TAF13: variants seen among roughly 807,000 people sequenced by gnomAD.
The protein encoded by TAF13 is TATA-box binding protein associated factor 13.
TAF13 carries 9 observed loss-of-function variants against 18.7 expected under a neutral mutation model. The observed-to-expected ratio is 0.48, with a 90% CI of 0.29 to 0.84. The LOEUF is 0.84. Among genes scored for constraint, TAF13 ranks in the 40% least tolerant of loss-of-function variants. The probability of loss-of-function intolerance (pLI) is 0.08; values close to 1 mark genes in which losing one functional copy is unlikely to be tolerated. For synonymous variants in TAF13, 49 were observed against 44.1 expected (o/e 1.11, Z -0.44); for missense variants, 105 against 146.5 (o/e 0.72, Z 1.46).
chr1:109,065,020 C>T (rs1416000864), intron 3 of TAF13, among the ~76,000 whole-genome samples: 2 of 152,002 alleles, frequency 1.3e-5, no homozygotes, highest in African/African-American at 4.8e-5. Flanking sequence ...TGTGTACCCA[C>T]CCATTTCATT....
intron 2 of TAF13, among the ~76,000 whole-genome samples, chr1:109,070,153 C>G (rs933071644): frequency 1.3e-5 from 2 of 152,154 alleles, no homozygotes; most frequent in African/African-American, 4.8e-5. Context: ...GTTGTCATGC[C>G]TCCTTAGTTC....
At chr1:109,070,061 C>T (rs1428360083) in intron 2 of TAF13, among the ~76,000 whole-genome samples, 2 of 152,170 alleles carry the variant, frequency 1.3e-5, no homozygotes, top group African/African-American at 4.8e-5. Context: ...AAATTAACAT[C>T]GGTACAGGTA....
chr1:109,074,986 C>T lies in TAF13; in HGVS notation c.106+1G>A. The T allele has an allele frequency of 5.7e-6, 9 of 1,592,690 alleles. No homozygotes were observed. The highest frequency in any genetic ancestry group is 7.7e-6 in the Non-Finnish European group (9 of 1,173,890). On this transcript the variant is annotated splice_donor_variant, in intron 2 of 3. Transcript: ENST00000338366. LOFTEE classifies it high-confidence loss of function. ...CAAAATCATTGTCAAATACTACTTACATTCTTTAGAAAAAAGTCTCTTTCT... is the reference window on the plus strand; with the variant it reads ...CAAAATCATTGTCAAATACTACTTATATTCTTTAGAAAAAAGTCTCTTTCT...
rs1451260645 is a variant in TAF13, at chr1:109,064,616, T to G, written c.282A>C (p.Pro94=). 1.9e-6 allele frequency: 3 copies of G among 1,584,456 alleles called. No homozygotes were observed. The East Asian group carries it at 7.0e-5, about 37-fold the overall frequency. Residue 94 remains proline (P), a synonymous_variant, in exon 4 of 4, where the codon CCA becomes CCC. Transcript: ENST00000338366. Reference sequence around the variant, plus strand: ...AGTCTTTAACCCTGGCAAACTTCCTTGGGTCCTTTCGAATCAAGAAGACGA... The same window carrying G: ...AGTCTTTAACCCTGGCAAACTTCCTGGGGTCCTTTCGAATCAAGAAGACGA... The part of the protein sequence containing the change: ...EDIVFLIRKD[P]RKFARVKDLL...
At chr1:109,075,169 C>T (rs1388149893) in intron 1 of TAF13, 104 bp from the exon 2 acceptor site, 3 of 899,894 alleles carry the variant, frequency 3.3e-6, no homozygotes, top group African/African-American at 3.4e-5. Context: ...GCCAGAAAGC[C>T]AAAGGAAGCA....
At chr1:109,071,975 TACACAC>T (rs770208918) in intron 2 of TAF13, among the ~76,000 whole-genome samples, 7,200 of 19,188 alleles carry the variant, frequency 0.38, 1,105 homozygotes, top group Middle Eastern at 0.6. Context: ...TATATATATA[TACACAC>T]ATATATATAT....
At chr1:109,069,194 AGTGTGTGAGT>A (rs1664007284) in intron 2 of TAF13, among the ~76,000 whole-genome samples, 1 of 95,400 alleles carries the variant, frequency 1.0e-5, no homozygotes, top group African/African-American at 3.4e-5. Context: ...AGTGATTACA[AGTGTGTGAGT>A]GTGTGTGTGT....
At chr1:109,065,691 G>A (rs1663940678) in intron 3 of TAF13, among the ~76,000 whole-genome samples, 2 of 152,168 alleles carry the variant, frequency 1.3e-5, no homozygotes, top group Admixed American at 1.3e-4. Flanking sequence ...GGGAGGCCGA[G>A]GCTGGCGGAT....
chr1:109,071,014 A>C (rs1245192524), intron 2 of TAF13, among the ~76,000 whole-genome samples: 1 of 152,220 alleles, frequency 6.6e-6, no homozygotes, highest in Non-Finnish European at 1.5e-5. Flanking sequence ...TTAAAAAATA[A>C]AACAGTGTCT....
chr1:109,074,429 CA>C (rs774956337), intron 2 of TAF13, among the ~76,000 whole-genome samples: 7 of 152,052 alleles, frequency 4.6e-5, no homozygotes, highest in African/African-American at 7.2e-5. Flanking sequence ...CCCAGGGACA[CA>C]AAACACTGAG....
intron 2 of TAF13, among the ~76,000 whole-genome samples, chr1:109,071,390 G>A (rs1427657285): frequency 5.3e-5 from 8 of 150,326 alleles, no homozygotes; most frequent in South Asian, 2.1e-4. Context: ...GCAGTGAGCC[G>A]AGATCACGCC....
intron 2 of TAF13, among the ~76,000 whole-genome samples, chr1:109,068,757 T>A (rs570396142): frequency 6.6e-6 from 1 of 152,290 alleles, no homozygotes; most frequent in Non-Finnish European, 1.5e-5. Context: ...ATTCCAGCAC[T>A]TTGGGAGGCC....
intron 2 of TAF13, among the ~76,000 whole-genome samples, chr1:109,072,555 T>C (rs1346542795): frequency 6.6e-6 from 1 of 151,814 alleles, no homozygotes; most frequent in Non-Finnish European, 1.5e-5. Context: ...AGCCATCCTC[T>C]CACCTCAGCC....
intron 1 of TAF13, among the ~76,000 whole-genome samples, 179 bp downstream of exon 1, chr1:109,075,742 C>CT (rs898523637): frequency 5.9e-5 from 9 of 152,172 alleles, no homozygotes; most frequent in African/African-American, 2.2e-4. Context: ...GTCACAAAAC[C>CT]TACTCTTCCT....
rs2102114411 is a variant in TAF13 at position 109,075,977 on chromosome 1, GC to G, written c.-31del. On this transcript the variant is annotated 5_prime_UTR_variant, in exon 1 of 4. Transcript: ENST00000338366. Reference sequence around the variant, plus strand: ...CTAGCACGCCAACTCACAGCGTCCTGCCGGCTGGCTCCCAGCTGGTTACACT... The same window carrying G: ...CTAGCACGCCAACTCACAGCGTCCTGCGGCTGGCTCCCAGCTGGTTACACT... 1 of 1,614,158 alleles carries G rather than the reference GC, an allele frequency of 6.2e-7. No individual in the cohort carries two copies. Among genetic ancestry groups the G allele is most frequent in the Non-Finnish European group, 8.5e-7 (1 of 1,180,034 alleles).
chr1:109,069,958 T>C (rs978728869), intron 2 of TAF13, among the ~76,000 whole-genome samples: 2 of 152,146 alleles, frequency 1.3e-5, no homozygotes, highest in Admixed American at 6.5e-5. Flanking sequence ...TACAGCTGAG[T>C]TGCAAAAATA....
At chr1:109,066,110 A>G (rs1356963415) in intron 3 of TAF13, 25 bp downstream of exon 3, 2 of 1,572,680 alleles carry the variant, frequency 1.3e-6, no homozygotes. Flanking sequence ...TCAATTAACT[A>G]AGACCAGTTA....
rs143959539 is a variant in TAF13, at chr1:109,064,303, C to T, written c.*220G>A. ...CAAGGTACTTTGACTTATGTGTGGT[C>T]ATTAAAACCCAGTAAGTAATTCAAG... On this transcript the variant is annotated 3_prime_UTR_variant, in exon 4 of 4. Coordinates refer to ENST00000338366, the MANE Select transcript of TAF13 (RefSeq NM_005645.4). 9.7e-3 allele frequency: 3,346 copies of T among 344,462 alleles called. 90 individuals are homozygous for T. The highest frequency in any genetic ancestry group is 0.076 in the Admixed American group (1,590 of 20,820). The allele number at this position is 344,462 out of a possible 1,614,324, so 21.3% of individuals were successfully genotyped here.
intron 2 of TAF13, among the ~76,000 whole-genome samples, chr1:109,072,999 C>T (rs2102111736): frequency 6.6e-6 from 1 of 151,866 alleles, no homozygotes; most frequent in South Asian, 2.1e-4. Flanking sequence ...TCCCAAAGTG[C>T]TGGGATTACA....
Sources: gnomAD v4.1 joint callset for allele counts (sites outside exome capture counted in the v4.1 genomes callset) on GRCh38, gnomAD v4.1.1 for gene constraint, MANE v1.5 for transcripts, NCBI Gene and HGNC (gene_info 2026-07-23, HGNC 2026-07-21) for gene names.